NRCAM: variants seen among roughly 807,000 people sequenced by gnomAD.
NRCAM encodes neuronal cell adhesion molecule.
Under a neutral mutation model 156.5 loss-of-function variants are expected in NRCAM, and 83 were observed. The ratio of observed to expected loss-of-function variants is 0.53; its 90% CI spans 0.44 to 0.64. The LOEUF (loss-of-function observed/expected upper bound fraction) is 0.64, where lower values mean the gene tolerates loss of function less well. Ranked by LOEUF, NRCAM falls within the 30% of genes least tolerant of loss-of-function variation. The pLI is 0.00. For missense variants in NRCAM, 1,417 were observed against 1,597.3 expected (o/e 0.89, Z 1.92); for synonymous variants, 538 against 563.9 (o/e 0.95, Z 0.65).
Position 108,241,705 on chromosome 7 carries a change from G to C in NRCAM, c.-106-1535C>G, listed in dbSNP as rs189541773. Among the ~76,000 whole-genome samples the C allele has an allele frequency of 2.2e-3, 336 of 152,148 alleles. 1 individual carries two copies. Among genetic ancestry groups the C allele is most frequent in the Middle Eastern group, 0.01 (3 of 294 alleles). On this transcript the variant is annotated intron_variant, in intron 3 of 32. Transcript: ENST00000379028. ...AAAAAAAAAGGAAAGGAGAAAAGGG[G>C]AAAGAAAAGACTTTACAATCTTTGA...
At chr7:108,414,530 T>G (rs1042809659) in intron 1 of NRCAM, among the ~76,000 whole-genome samples, 3 of 152,184 alleles carry the variant, frequency 2.0e-5, no homozygotes, top group Non-Finnish European at 1.5e-5. Context: ...AAGTGAATCC[T>G]GTCCACAACA....
intron 3 of NRCAM, among the ~76,000 whole-genome samples, chr7:108,250,070 C>T (rs74680929): frequency 0.041 from 6,166 of 152,184 alleles, 168 homozygotes; most frequent in Middle Eastern, 0.078. Context: ...TCCATCAACC[C>T]ATAAATGGAT....
intron 3 of NRCAM, among the ~76,000 whole-genome samples, chr7:108,244,371 G>A (rs1245253593): frequency 2.0e-5 from 3 of 152,148 alleles, no homozygotes; most frequent in Non-Finnish European, 4.4e-5. Context: ...AACTAAGTGG[G>A]TAGGACATCA....
At chr7:108,158,961 A>G (rs1235143407) in intron 32 of NRCAM, among the ~76,000 whole-genome samples, 3 of 152,202 alleles carry the variant, frequency 2.0e-5, no homozygotes, top group Non-Finnish European at 4.4e-5. Flanking sequence ...ACATTTCTTA[A>G]TAAGTAACAG....
intron 2 of NRCAM, among the ~76,000 whole-genome samples, chr7:108,377,130 C>T (rs548337789): frequency 6.6e-6 from 1 of 152,268 alleles, no homozygotes; most frequent in Non-Finnish European, 1.5e-5. Flanking sequence ...CGCTATTGCA[C>T]TACAGCCTGG....
At chr7:108,455,465 G>C in intron 1 of NRCAM, among the ~76,000 whole-genome samples, 1 of 152,144 alleles carries the variant, frequency 6.6e-6, no homozygotes, top group Non-Finnish European at 1.5e-5. Flanking sequence ...GCAGCCCCCA[G>C]CCCGGTGCGC....
intron 19 of NRCAM, 141 bp from the exon 20 acceptor site, chr7:108,189,887 G>T (rs2069985056): frequency 3.7e-6 from 2 of 545,416 alleles, no homozygotes; most frequent in Admixed American, 7.9e-5. Flanking sequence ...GAAAGGAAAT[G>T]TGCACAGCTG....
intron 31 of NRCAM, 76 bp from the exon 32 acceptor site, chr7:108,159,617 G>C: frequency 2.8e-6 from 3 of 1,083,200 alleles, no homozygotes; most frequent in Non-Finnish European, 4.2e-6. Flanking sequence ...AGCATTCTTT[G>C]AGATATACAG....
intron 32 of NRCAM, among the ~76,000 whole-genome samples, chr7:108,154,881 C>A (rs1585093297): frequency 6.6e-6 from 1 of 152,032 alleles, no homozygotes; most frequent in East Asian, 1.9e-4. Flanking sequence ...ACACGCGGAA[C>A]TTTCCAGGTG....
intron 11 of NRCAM, among the ~76,000 whole-genome samples, chr7:108,212,791 A>C (rs1254135528): frequency 3.3e-5 from 5 of 152,202 alleles, no homozygotes; most frequent in Non-Finnish European, 4.4e-5. Flanking sequence ...GTTCCTGAGG[A>C]ATAAGAGAAA....
intron 3 of NRCAM, among the ~76,000 whole-genome samples, chr7:108,272,335 A>T (rs925901118): frequency 6.6e-6 from 1 of 152,212 alleles, no homozygotes; most frequent in African/African-American, 2.4e-5. Flanking sequence ...ATTTAAGTAA[A>T]AACACCAGCA....
chr7:108,166,926 C>T lies in NRCAM; in HGVS notation c.3461G>A (p.Gly1154Asp). ...FVSSEDVFET[G>D]PAMASRQVDI... is the part of the protein sequence containing the mutation. Reference sequence around the variant, plus strand: ...AGGTGTGGTGTGAGCCTCACCTGGGCCTGTCTCAAACACATCCTCTGAACT... The same window carrying T: ...AGGTGTGGTGTGAGCCTCACCTGGGTCTGTCTCAAACACATCCTCTGAACT... The change falls in exon 30 of 33, where the codon GGC becomes GAC. Residue 1154 changes from glycine (G) to aspartate (D), a missense_variant. Around this residue, in one of 2 missense-constraint regions of NRCAM, gnomAD observed 179 missense variants for 260.9 expected, o/e 0.69. Transcript: ENST00000379028. 6.2e-7 allele frequency: 1 copy of T among 1,613,708 alleles called. No individual in the cohort carries two copies. The highest frequency in any genetic ancestry group is 8.5e-7 in the Non-Finnish European group (1 of 1,179,796).
intron 3 of NRCAM, among the ~76,000 whole-genome samples, chr7:108,307,851 G>T (rs2098740874): frequency 1.3e-5 from 2 of 152,094 alleles, no homozygotes; most frequent in Non-Finnish European, 2.9e-5. Flanking sequence ...CCCTCCAAAA[G>T]CAGCCAGGGA....
At chr7:108,197,360 G>C (rs2075699933) in intron 14 of NRCAM, among the ~76,000 whole-genome samples, 1 of 152,152 alleles carries the variant, frequency 6.6e-6, no homozygotes, top group Non-Finnish European at 1.5e-5. Context: ...TTAAAGGGCT[G>C]AAGTATAATT....
At chr7:108,299,149 TA>T (rs751614501) in intron 3 of NRCAM, among the ~76,000 whole-genome samples, 76 of 80,152 alleles carry the variant, frequency 9.5e-4, no homozygotes, top group South Asian at 5.0e-3. Context: ...AAAAGAAAAG[TA>T]AAAAAAAAAA....
At chr7:108,318,621 A>G (rs910535049) in intron 2 of NRCAM, among the ~76,000 whole-genome samples, 1 of 152,180 alleles carries the variant, frequency 6.6e-6, no homozygotes, top group African/African-American at 2.4e-5. Context: ...GTCTCAGGAA[A>G]GTGACCATGA....
rs75432799 is a variant in NRCAM at position 108,183,033 on chromosome 7, A to C, written c.2305-113T>G. Reference sequence around the variant, plus strand: ...ACAGAAAGTGATCATTGAAATACTAAAACACAAGCTATTAACCATTTTCTC... The same window carrying C: ...ACAGAAAGTGATCATTGAAATACTACAACACAAGCTATTAACCATTTTCTC... On this transcript the variant is annotated intron_variant, in intron 22 of 32. Coordinates refer to ENST00000379028, the MANE Select transcript of NRCAM (RefSeq NM_001037132.4). 3.9e-4 allele frequency: 329 copies of C among 844,460 alleles called. 4 individuals carry two copies. In the East Asian group the frequency reaches 8.1e-3, roughly 21 times the overall value. The allele number at this position is 844,460 out of a possible 1,614,324, so 52.3% of individuals were successfully genotyped here.
At chr7:108,194,692 AT>A (rs1234591617) in intron 15 of NRCAM, among the ~76,000 whole-genome samples, 1 of 152,190 alleles carries the variant, frequency 6.6e-6, no homozygotes, top group Non-Finnish European at 1.5e-5. Flanking sequence ...ATAAGCATCC[AT>A]TTTTCTTCTC....
chr7:108,239,702 A>G (rs2095404928), intron 4 of NRCAM, among the ~76,000 whole-genome samples: 1 of 152,204 alleles, frequency 6.6e-6, no homozygotes, highest in Non-Finnish European at 1.5e-5. Flanking sequence ...GGCCATCCCC[A>G]GCAGGGCAGA....
Sources: allele counts gnomAD v4.1 joint callset (sites outside exome capture counted in the v4.1 genomes callset), GRCh38; gene constraint gnomAD v4.1.1; regional missense constraint gnomAD v4.1.1; transcripts MANE v1.5; gene names NCBI Gene and HGNC (gene_info 2026-07-23, HGNC 2026-07-21).